The following QKI variants were observed in gnomAD, a reference collection of about 807,000 sequenced individuals.
The protein encoded by QKI is QKI, KH domain containing RNA binding.
QKI carries 10 observed loss-of-function variants against 39.0 expected under a neutral mutation model. The ratio of observed to expected loss-of-function variants is 0.26; its 90% CI spans 0.16 to 0.43. QKI has a LOEUF of 0.43. Ranked by LOEUF, QKI falls within the 20% of genes least tolerant of loss-of-function variation. QKI has a pLI of 1.00. For synonymous variants in QKI, 204 were observed against 155.4 expected (o/e 1.31, Z -2.33); for missense variants, 218 against 428.0 (o/e 0.51, Z 4.33).
Position 163,563,466 on chromosome 6 carries a change from GATC to G in QKI, c.684_686del (p.Ile229del). ...CAGCAACAGCCCAGGCTGCTCCAAGGATCATTACTGGGCCTGCGCCGGTTCTCC... is the reference window on the plus strand; with the variant it reads ...CAGCAACAGCCCAGGCTGCTCCAAGGATTACTGGGCCTGCGCCGGTTCTCC... On this transcript the variant is annotated inframe_deletion, in exon 6 of 8. Coordinates refer to ENST00000361752, the MANE Select transcript of QKI (RefSeq NM_006775.3). 6.2e-7 allele frequency: 1 copy of G among 1,613,932 alleles called. No individual in the cohort carries two copies. Among genetic ancestry groups the G allele is most frequent in the Non-Finnish European group, 8.5e-7 (1 of 1,179,922 alleles).
At chr6:163,451,478 A>G (rs112360462) in intron 1 of QKI, among the ~76,000 whole-genome samples, 2,000 of 152,268 alleles carry the variant, frequency 0.013, 43 homozygotes, top group African/African-American at 0.046. Flanking sequence ...AATTTTTCCA[A>G]TGTTTATGGG....
chr6:163,515,801 C>G (rs572211345), intron 3 of QKI, among the ~76,000 whole-genome samples: 1 of 152,224 alleles, frequency 6.6e-6, no homozygotes, highest in East Asian at 1.9e-4. Flanking sequence ...TTGACTTTTT[C>G]TGGCATAGGT....
At chr6:163,514,643 G>T (rs1779680718) in intron 3 of QKI, among the ~76,000 whole-genome samples, 1 of 152,156 alleles carries the variant, frequency 6.6e-6, no homozygotes, top group Admixed American at 6.5e-5. Context: ...ATATGTATGT[G>T]TGTATTGTGG....
intron 1 of QKI, among the ~76,000 whole-genome samples, chr6:163,447,018 G>A (rs1047385064): frequency 6.6e-6 from 1 of 151,990 alleles, no homozygotes; most frequent in Non-Finnish European, 1.5e-5. Flanking sequence ...ACTTATTATA[G>A]TACAGCCAGC....
intron 1 of QKI, among the ~76,000 whole-genome samples, chr6:163,435,209 T>C (rs1257739630): frequency 6.6e-6 from 1 of 152,232 alleles, no homozygotes; most frequent in African/African-American, 2.4e-5. Context: ...TACAGGTTTT[T>C]CCTGTGAAGG....
intron 3 of QKI, among the ~76,000 whole-genome samples, chr6:163,529,305 C>T (rs1780702931): frequency 6.6e-6 from 1 of 152,162 alleles, no homozygotes; most frequent in Admixed American, 6.5e-5. Flanking sequence ...GCAGCATATT[C>T]ATGCACAGTT....
intron 3 of QKI, among the ~76,000 whole-genome samples, chr6:163,494,978 C>T (rs367652487): frequency 3.9e-4 from 59 of 151,706 alleles, no homozygotes; most frequent in East Asian, 3.5e-3. Flanking sequence ...TGCAGTGGCG[C>T]GATCTTGGCT....
chr6:163,435,220 A>G (rs1204978110), intron 1 of QKI, among the ~76,000 whole-genome samples: 1 of 152,232 alleles, frequency 6.6e-6, no homozygotes, highest in Non-Finnish European at 1.5e-5. Context: ...CCTGTGAAGG[A>G]TAGGCTGCTA....
chr6:163,561,961 T>A, intron 4 of QKI, 21 bp from the exon 5 acceptor site: 1 of 1,596,146 alleles, frequency 6.3e-7, no homozygotes, highest in Non-Finnish European at 8.6e-7. Context: ...TGCTTTCATC[T>A]CATGTGTTTT....
chr6:163,439,207 G>A (rs1332312953), intron 1 of QKI, among the ~76,000 whole-genome samples: 1 of 152,082 alleles, frequency 6.6e-6, no homozygotes, highest in Non-Finnish European at 1.5e-5. Flanking sequence ...AGGAACTACT[G>A]CATTAATAAT....
chr6:163,511,386 G>A (rs1378297324), intron 3 of QKI, among the ~76,000 whole-genome samples: 6 of 151,712 alleles, frequency 4.0e-5, no homozygotes, highest in Admixed American at 1.3e-4. Context: ...AATAGAATAC[G>A]GACAACTAGA....
In QKI at chr6:163,534,441, A is replaced by G. The variant is rs374090663; in HGVS notation, c.403-541A>G. On this transcript the variant is annotated intron_variant, in intron 3 of 7. Coordinates refer to ENST00000361752, the MANE Select transcript of QKI (RefSeq NM_006775.3). Reference sequence around the variant, plus strand: ...CCTTTTCTAATGCTGAATACAACCAATGTCATTAAAAGCAGTTGTAATGAA... The same window carrying G: ...CCTTTTCTAATGCTGAATACAACCAGTGTCATTAAAAGCAGTTGTAATGAA... Among the ~76,000 whole-genome samples, 45 of 152,334 alleles carry G rather than the reference A, an allele frequency of 3.0e-4. No individual in the cohort carries two copies. The East Asian group carries it at 3.1e-3, about 10-fold the overall frequency.
intron 3 of QKI, among the ~76,000 whole-genome samples, chr6:163,524,116 T>G (rs1261047098): frequency 6.6e-6 from 1 of 152,216 alleles, no homozygotes; most frequent in African/African-American, 2.4e-5. Context: ...TATCCCACTT[T>G]CCAGGAAACT....
intron 3 of QKI, among the ~76,000 whole-genome samples, chr6:163,517,671 A>G (rs1779917178): frequency 6.6e-6 from 1 of 152,284 alleles, no homozygotes; most frequent in East Asian, 1.9e-4. Flanking sequence ...ACCTCTTGAA[A>G]AAATATACTT....
intron 7 of QKI, chr6:163,570,079 A>T: frequency 1.0e-6 from 1 of 986,252 alleles, no homozygotes; most frequent in African/African-American, 1.7e-5. Flanking sequence ...CATGAGGCCA[A>T]GAAATTCCAT....
chr6:163,488,973 C>CT (rs767477914), intron 3 of QKI, among the ~76,000 whole-genome samples: 5,665 of 122,094 alleles, frequency 0.046, 237 homozygotes, highest in African/African-American at 0.13. Context: ...CCTTCCATTT[C>CT]TTTTTTTTTT....
At chr6:163,445,683 C>T (rs142799508) in intron 1 of QKI, among the ~76,000 whole-genome samples, 90 of 150,410 alleles carry the variant, frequency 6.0e-4, no homozygotes, top group African/African-American at 2.1e-3. Context: ...GGCACCATCT[C>T]GGCTCACTCC....
intron 3 of QKI, among the ~76,000 whole-genome samples, chr6:163,522,903 G>A (rs141224802): frequency 1.4e-4 from 21 of 152,150 alleles, no homozygotes; most frequent in East Asian, 1.9e-4. Flanking sequence ...CCACGGTGCC[G>A]TTAGGTTGAA....
intron 3 of QKI, among the ~76,000 whole-genome samples, chr6:163,508,777 C>T (rs999481760): frequency 1.3e-4 from 20 of 151,770 alleles, no homozygotes; most frequent in Non-Finnish European, 2.1e-4. Context: ...GATACACCCA[C>T]GTCGGCCTCC....
Sources: allele counts gnomAD v4.1 joint callset (sites outside exome capture counted in the v4.1 genomes callset), GRCh38; gene constraint gnomAD v4.1.1; transcripts MANE v1.5; gene names NCBI Gene and HGNC (gene_info 2026-07-23, HGNC 2026-07-21).